GABRG3: variants seen among roughly 807,000 people sequenced by gnomAD.
The protein encoded by GABRG3 is gamma-aminobutyric acid receptor subunit gamma-3.
In GABRG3, 25 loss-of-function variants were observed where a neutral mutation model predicts 48.8. The observed-to-expected ratio is 0.51, with a 90% CI of 0.37 to 0.72. GABRG3 has a LOEUF of 0.72. Ranked by LOEUF, GABRG3 falls within the 30% of genes least tolerant of loss-of-function variation. GABRG3 has a pLI of 0.00. For missense variants in GABRG3, 394 were observed against 577.9 expected, an observed-to-expected ratio of 0.68 and a Z score of 3.26; for synonymous variants, 227 against 217.6, an observed-to-expected ratio of 1.04 and a Z score of -0.38.
At chr15:27,031,534 A>G (rs775804227) in intron 3 of GABRG3, among the ~76,000 whole-genome samples, 2 of 152,206 alleles carry the variant, frequency 1.3e-5, no homozygotes, top group Non-Finnish European at 2.9e-5. Context: ...TAGCGTGACC[A>G]TGTGTTACCA....
At chr15:27,309,646 A>G (rs1217813854) in intron 3 of GABRG3, among the ~76,000 whole-genome samples, 8 of 152,106 alleles carry the variant, frequency 5.3e-5, no homozygotes, top group Admixed American at 5.3e-4. Context: ...TTTAACTTCA[A>G]TAAAAATTGC....
chr15:27,250,871 T>TCCTGGCCGGCA (rs112457462), intron 3 of GABRG3, among the ~76,000 whole-genome samples: 10,404 of 152,232 alleles, frequency 0.068, 1,171 homozygotes, highest in African/African-American at 0.23. Context: ...CAGCTGCTCC[T>TCCTGGCCGGCA]CCTGGGCAGC....
chr15:27,456,506 TG>T (rs1263303537), intron 5 of GABRG3, among the ~76,000 whole-genome samples: 1 of 152,178 alleles, frequency 6.6e-6, no homozygotes, highest in African/African-American at 2.4e-5. Flanking sequence ...GGGACTGTGA[TG>T]CATTCAGTTC....
At chr15:26,983,048 TAA>T (rs1259822785) in intron 2 of GABRG3, among the ~76,000 whole-genome samples, 1 of 152,136 alleles carries the variant, frequency 6.6e-6, no homozygotes, top group East Asian at 1.9e-4. Flanking sequence ...GCTCTCCCGG[TAA>T]AAGATACTGA....
At chr15:27,087,772 A>C (rs2140750881) in intron 3 of GABRG3, among the ~76,000 whole-genome samples, 1 of 149,880 alleles carries the variant, frequency 6.7e-6, no homozygotes, top group Admixed American at 6.7e-5. Context: ...GTGTGTGTAT[A>C]TGTAGGCACA....
intron 3 of GABRG3, among the ~76,000 whole-genome samples, chr15:27,086,050 T>C (rs1480349477): frequency 6.6e-6 from 1 of 152,126 alleles, no homozygotes; most frequent in Non-Finnish European, 1.5e-5. Flanking sequence ...TTCTAAACTT[T>C]CCTTGGTTTT....
chr15:27,032,609 C>T (rs1435320699), intron 3 of GABRG3, among the ~76,000 whole-genome samples: 4 of 152,144 alleles, frequency 2.6e-5, no homozygotes, highest in African/African-American at 9.7e-5. Flanking sequence ...TTTTAAACAA[C>T]CAGATCTCTT....
chr15:27,116,415 C>A (rs983507480), intron 3 of GABRG3, among the ~76,000 whole-genome samples: 2 of 151,860 alleles, frequency 1.3e-5, no homozygotes, highest in Non-Finnish European at 2.9e-5. Context: ...ATCATTTTAT[C>A]TTGCATTCCT....
At chr15:27,510,808 C>CTT in intron 6 of GABRG3, among the ~76,000 whole-genome samples, 1 of 152,278 alleles carries the variant, frequency 6.6e-6, no homozygotes, top group Admixed American at 6.5e-5. Flanking sequence ...CTATCCGTTA[C>CTT]TTTACGGTTA....
At chr15:26,986,390 C>G (rs780747053) in intron 2 of GABRG3, among the ~76,000 whole-genome samples, 1 of 152,158 alleles carries the variant, frequency 6.6e-6, no homozygotes, top group South Asian at 2.1e-4. Context: ...TACCTGTCAT[C>G]TCCAGGAGAG....
chr15:27,194,825 TG>T (rs1460026027), intron 3 of GABRG3, among the ~76,000 whole-genome samples: 7 of 152,222 alleles, frequency 4.6e-5, no homozygotes, highest in Non-Finnish European at 4.4e-5. Flanking sequence ...CATTATTTCT[TG>T]CAATACTTCC....
intron 3 of GABRG3, among the ~76,000 whole-genome samples, chr15:27,222,775 G>A (rs909381212): frequency 6.6e-6 from 1 of 152,122 alleles, no homozygotes; most frequent in Admixed American, 6.5e-5. Context: ...CAGCCATGGC[G>A]ACTGCAGTGT....
chr15:27,111,325 T>C (rs1308985755), intron 3 of GABRG3, among the ~76,000 whole-genome samples: 2 of 152,214 alleles, frequency 1.3e-5, no homozygotes, highest in East Asian at 3.9e-4. Context: ...AGCATAATCA[T>C]AGTTACTTCA....
chr15:26,990,120 CTTTATTT>C (rs1895220284), intron 2 of GABRG3, among the ~76,000 whole-genome samples: 2 of 152,128 alleles, frequency 1.3e-5, no homozygotes, highest in African/African-American at 4.8e-5. Context: ...TACTAATTTC[CTTTATTT>C]TGGGTATATA....
At chr15:27,489,340 C>T (rs758657303) in intron 6 of GABRG3, among the ~76,000 whole-genome samples, 2 of 152,102 alleles carry the variant, frequency 1.3e-5, no homozygotes, top group Non-Finnish European at 2.9e-5. Flanking sequence ...AATAAACATA[C>T]GTGTGCTTGT....
intron 5 of GABRG3, among the ~76,000 whole-genome samples, chr15:27,339,187 G>T (rs748169029): frequency 6.6e-6 from 1 of 152,246 alleles, no homozygotes; most frequent in Non-Finnish European, 1.5e-5. Context: ...CTCACACAGA[G>T]GTAAGAGGTG....
At chr15:27,090,601 G>A (rs1897168214) in intron 3 of GABRG3, among the ~76,000 whole-genome samples, 1 of 151,886 alleles carries the variant, frequency 6.6e-6, no homozygotes, top group Admixed American at 6.6e-5. Context: ...GTATGTGATT[G>A]TGTTTTTGAT....
intron 3 of GABRG3, chr15:27,280,245 TA>T (rs1479834655): frequency 2.6e-5 from 4 of 152,142 alleles, no homozygotes; most frequent in African/African-American, 9.7e-5. Flanking sequence ...TTTCCTCTTT[TA>T]AAAAATGTTT....
chr15:27,186,154 G>A (rs1888090142), intron 3 of GABRG3, among the ~76,000 whole-genome samples: 1 of 151,888 alleles, frequency 6.6e-6, no homozygotes, highest in South Asian at 2.1e-4. Flanking sequence ...CCAATAGACA[G>A]CTTTTCAGAT....
Sources: allele counts gnomAD v4.1 joint callset (sites outside exome capture counted in the v4.1 genomes callset), GRCh38; gene constraint gnomAD v4.1.1; transcripts MANE v1.5; gene names NCBI Gene and HGNC (gene_info 2026-07-23, HGNC 2026-07-21).